Variants in DRD3 observed in about 807,000 individuals in gnomAD.
DRD3 encodes dopamine receptor D3.
DRD3 carries 19 observed loss-of-function variants against 36.3 expected under a neutral mutation model. The ratio of observed to expected loss-of-function variants is 0.52; its 90% CI spans 0.36 to 0.77. DRD3 has a LOEUF of 0.77. Among genes scored for constraint, DRD3 ranks in the 30% least tolerant of loss-of-function variants. The pLI is 0.00. For missense variants in DRD3, 465 were observed against 505.3 expected (o/e 0.92, Z 0.77); for synonymous variants, 195 against 203.7 (o/e 0.96, Z 0.36).
intron 3 of DRD3, among the ~76,000 whole-genome samples, chr3:114,156,759 C>CTTTCTT (rs2077675703): frequency 1.9e-5 from 2 of 106,448 alleles, no homozygotes; most frequent in African/African-American, 7.0e-5. Context: ...TTCTTTCTTT[C>CTTTCTT]TTTCTTTCTT....
At chr3:114,161,097 T>C (rs989776028) in intron 2 of DRD3, among the ~76,000 whole-genome samples, 2 of 152,172 alleles carry the variant, frequency 1.3e-5, no homozygotes, top group African/African-American at 4.8e-5. Flanking sequence ...TTTGTGCAGT[T>C]ACCAGCTTCT....
In DRD3 at chr3:114,159,743, T is replaced by C; in HGVS notation, c.383+12A>G. On this transcript the variant is annotated intron_variant, in intron 3 of 6. Transcript: ENST00000383673. ...GCTTTTGGGCCACCTGGAAGGGGAA[T>C]TGCAGCCCTACCTGTCTATGCTGAT... 1 of 1,612,502 alleles carries C rather than the reference T, an allele frequency of 6.2e-7. No individual in the cohort carries two copies. Among genetic ancestry groups the C allele is most frequent in the Non-Finnish European group, 8.5e-7 (1 of 1,178,892 alleles).
intron 1 of DRD3, among the ~76,000 whole-genome samples, chr3:114,188,804 G>A (rs2107902793): frequency 6.6e-6 from 1 of 152,294 alleles, no homozygotes; most frequent in East Asian, 1.9e-4. Context: ...GAGTCATAAA[G>A]GAAAAGAGGG....
chr3:114,186,932 T>C (rs558565399), intron 1 of DRD3, among the ~76,000 whole-genome samples: 1 of 152,150 alleles, frequency 6.6e-6, no homozygotes, highest in Admixed American at 6.5e-5. Flanking sequence ...GTATAGAAGA[T>C]GGAAGATGAG....
intron 2 of DRD3, among the ~76,000 whole-genome samples, chr3:114,166,922 C>A (rs542013984): frequency 6.6e-6 from 1 of 152,156 alleles, no homozygotes. Flanking sequence ...GTGACGAGAT[C>A]GTGAGAATCT....
intron 1 of DRD3, among the ~76,000 whole-genome samples, chr3:114,193,273 C>T (rs543796803): frequency 2.7e-4 from 41 of 151,668 alleles, no homozygotes; most frequent in Middle Eastern, 3.4e-3. Context: ...AGTGAGACTC[C>T]GTCTCAAAAC....
At chr3:114,146,186 T>C (rs2077568109) in intron 4 of DRD3, among the ~76,000 whole-genome samples, 1 of 152,220 alleles carries the variant, frequency 6.6e-6, no homozygotes, top group Admixed American at 6.5e-5. Context: ...TTATATGTAA[T>C]ATGTTACATA....
rs368614263 is a variant in DRD3 at position 114,133,987 on chromosome 3, T to C, written c.724-2587A>G. Among the ~76,000 whole-genome samples, 4 of 152,338 alleles carry C rather than the reference T, an allele frequency of 2.6e-5. No homozygotes were observed. In the East Asian group the frequency reaches 5.8e-4, roughly 22 times the overall value. On this transcript the variant is annotated intron_variant, in intron 5 of 6. Transcript: ENST00000383673. ...AGTAGTGGTGGCATTCAATGTCCAG[T>C]GTGTTAGGTTTTCTAACTAGATTAT...
chr3:114,192,376 T>C (rs2078014957), intron 1 of DRD3, among the ~76,000 whole-genome samples: 1 of 152,204 alleles, frequency 6.6e-6, no homozygotes, highest in South Asian at 2.1e-4. Context: ...GTTTCCTGGG[T>C]AGCTTGCTGT....
rs907486302 is a variant in DRD3, at chr3:114,170,339, T to G, written c.270+1384A>C. ...ATTCATATATCAAATGTTATAGCAG[T>G]TAGCATGTATTTTGTGCCAGGTAGT... On this transcript the variant is annotated intron_variant, in intron 2 of 6. Transcript: ENST00000383673. Among the ~76,000 whole-genome samples the G allele has an allele frequency of 2.6e-5, 4 of 152,176 alleles. No homozygotes were observed. In the East Asian group the frequency reaches 5.8e-4, roughly 22 times the overall value.
Position 114,156,666 on chromosome 3 carries a change from A to G in DRD3, c.383+3089T>C, listed in dbSNP as rs72944670. Among the ~76,000 whole-genome samples the G allele has an allele frequency of 4.8e-3, 729 of 151,846 alleles. 2 individuals carry two copies. The highest frequency in any genetic ancestry group is 0.017 in the African/African-American group (704 of 41,394). ...CTTGGCCTATTGAATAAAAGTTAGAATTACCTCCACTGCCTGGCATTCAAT... is the reference window on the plus strand; with the variant it reads ...CTTGGCCTATTGAATAAAAGTTAGAGTTACCTCCACTGCCTGGCATTCAAT... On this transcript the variant is annotated intron_variant, in intron 3 of 6. Coordinates refer to ENST00000383673, the MANE Select transcript of DRD3 (RefSeq NM_000796.6).
intron 5 of DRD3, among the ~76,000 whole-genome samples, chr3:114,138,482 C>T (rs564890151): frequency 2.0e-5 from 3 of 152,222 alleles, no homozygotes; most frequent in African/African-American, 4.8e-5. Flanking sequence ...CCTCATAAAA[C>T]CATCAGATCT....
intron 5 of DRD3, among the ~76,000 whole-genome samples, chr3:114,137,955 G>A (rs57309847): frequency 0.088 from 11,674 of 132,756 alleles, 1,035 homozygotes; most frequent in African/African-American, 0.24. Flanking sequence ...CTGAGATTGC[G>A]CCACTGCACT....
intron 5 of DRD3, among the ~76,000 whole-genome samples, chr3:114,135,546 CAAGTT>C (rs1006930114): frequency 2.0e-5 from 3 of 152,180 alleles, no homozygotes; most frequent in African/African-American, 7.2e-5. Flanking sequence ...AACATGACGT[CAAGTT>C]AAGAGAATAC....
At chr3:114,190,470 T>A (rs1315491648) in intron 1 of DRD3, among the ~76,000 whole-genome samples, 47 of 24,756 alleles carry the variant, frequency 1.9e-3, no homozygotes, top group Non-Finnish European at 2.5e-3. Flanking sequence ...ATATTTTTTT[T>A]TTTTTTTTTT....
intron 1 of DRD3, among the ~76,000 whole-genome samples, chr3:114,194,403 C>A (rs2078026506): frequency 6.6e-6 from 1 of 152,134 alleles, no homozygotes; most frequent in South Asian, 2.1e-4. Flanking sequence ...CTGCCTCAGC[C>A]CCCCAAGTAG....
chr3:114,188,352 C>T (rs142828018), intron 1 of DRD3, among the ~76,000 whole-genome samples: 92 of 151,962 alleles, frequency 6.1e-4, no homozygotes, highest in Admixed American at 3.1e-3. Flanking sequence ...GCTGGGACTA[C>T]GGGCGTGTGC....
At chr3:114,195,163 T>A (rs57928279) in intron 1 of DRD3, among the ~76,000 whole-genome samples, 8,499 of 152,258 alleles carry the variant, frequency 0.056, 275 homozygotes, top group Middle Eastern at 0.078. Context: ...GAGGAGCTTA[T>A]AAATCTGCTA....
At position 114,128,699 on chromosome 3, in the gene DRD3, T is replaced by C; in HGVS notation, c.*17A>G. On this transcript the variant is annotated 3_prime_UTR_variant, in exon 7 of 7. Transcript: ENST00000383673. ...CAGCTAGAAATGGGTACAAAGAGTGTTCCCTCTTCTGCTCCCTCAGCAAGA... is the reference window on the plus strand; with the variant it reads ...CAGCTAGAAATGGGTACAAAGAGTGCTCCCTCTTCTGCTCCCTCAGCAAGA... The C allele has an allele frequency of 6.4e-7, 1 of 1,571,116 alleles. No individual in the cohort carries two copies. The highest frequency in any genetic ancestry group is 8.6e-7 in the Non-Finnish European group (1 of 1,156,610).
Sources: gnomAD v4.1 joint callset for allele counts (sites outside exome capture counted in the v4.1 genomes callset) on GRCh38, gnomAD v4.1.1 for gene constraint, MANE v1.5 for transcripts, NCBI Gene and HGNC (gene_info 2026-07-23, HGNC 2026-07-21) for gene names.